The following AK9 variants were observed in gnomAD, a reference collection of about 807,000 sequenced individuals.
AK9 encodes adenylate kinase 9.
Under a neutral mutation model 239.6 loss-of-function variants are expected in AK9, and 191 were observed. That is an observed-to-expected ratio of 0.80 (90% CI 0.71 to 0.90). AK9 has a LOEUF of 0.90. Ranked by LOEUF, AK9 falls within the 40% of genes least tolerant of loss-of-function variation. The pLI is 0.00. For missense variants in AK9, 1,995 were observed against 2,214.7 expected, an observed-to-expected ratio of 0.90 and a Z score of 1.99; for synonymous variants, 689 against 721.0, an observed-to-expected ratio of 0.96 and a Z score of 0.71.
chr6:109,636,737 G>A (rs1294529006), intron 10 of AK9, among the ~76,000 whole-genome samples: 1 of 82,188 alleles, frequency 1.2e-5, no homozygotes, highest in African/African-American at 4.6e-5. Context: ...CTTTAAGGTT[G>A]AATAATATTC....
At chr6:109,640,682 G>A (rs13204500) in intron 10 of AK9, among the ~76,000 whole-genome samples, 45,387 of 151,612 alleles carry the variant, frequency 0.3, 7,200 homozygotes, top group Middle Eastern at 0.4. Flanking sequence ...CTTCCAAAGT[G>A]CTGGGATACT....
Position 109,691,160 on chromosome 6 carries a change from C to A in AK9, c.-25G>T. The A allele has an allele frequency of 1.8e-6, 1 of 567,690 alleles. No homozygotes were observed. The highest frequency in any genetic ancestry group is 3.2e-6 in the Non-Finnish European group (1 of 316,756). The allele number at this position is 567,690 out of a possible 1,614,324, so 35.2% of individuals were successfully genotyped here. ...TCCAATCCTTACCAAAGATGGTGCC[C>A]TTCGCTTCCTCTCTCGGCAGCACGC... is the stretch of plus-strand genomic sequence containing the variant. On this transcript the variant is annotated 5_prime_UTR_variant, in exon 1 of 41. In the 5' UTR this introduces an upstream ATG that the reference lacks. Transcript: ENST00000424296.
At chr6:109,687,306 T>C (rs1218332294) in intron 1 of AK9, among the ~76,000 whole-genome samples, 2 of 152,140 alleles carry the variant, frequency 1.3e-5, no homozygotes, top group Non-Finnish European at 2.9e-5. Flanking sequence ...CCTATGAGGG[T>C]GGTGTAGCAA....
chr6:109,607,781 G>A (rs923117340), intron 17 of AK9, among the ~76,000 whole-genome samples: 2 of 151,372 alleles, frequency 1.3e-5, no homozygotes, highest in Admixed American at 6.6e-5. Flanking sequence ...GTGTGTGTGT[G>A]TGTGTGTGTG....
At chr6:109,598,702 C>T (rs1305898536) in intron 17 of AK9, among the ~76,000 whole-genome samples, 3 of 152,166 alleles carry the variant, frequency 2.0e-5, no homozygotes, top group Admixed American at 6.5e-5. Flanking sequence ...AGTGTAAAAG[C>T]ATTCCTATTT....
intron 35 of AK9, among the ~76,000 whole-genome samples, chr6:109,499,937 C>G (rs372138714): frequency 6.6e-6 from 1 of 151,804 alleles, no homozygotes; most frequent in African/African-American, 2.4e-5. Context: ...GCATAGTATT[C>G]CACTGTATAA....
Position 109,619,200 on chromosome 6 carries a change from C to A in AK9, c.1291G>T (p.Asp431Tyr). 6.5e-7 allele frequency: 1 copy of A among 1,549,874 alleles called. No individual in the cohort carries two copies. Among genetic ancestry groups the A allele is most frequent in the East Asian group, 2.4e-5 (1 of 40,824 alleles). The change falls in exon 13 of 41, where the codon GAT (aspartate) becomes TAT (tyrosine). Residue 431 changes from aspartate to tyrosine, a missense_variant. By Grantham distance (160) the Asp-to-Tyr change is radical. Coordinates refer to ENST00000424296, the MANE Select transcript of AK9 (RefSeq NM_001145128.3). ...TCTACTAATGTTTCACGGGCTTTAT[C>A]AAAACGTGGCTGAACAAGTTGGGCA... ...DYAQLVQPRF[D>Y]KARETLVENT...
chr6:109,606,088 AC>A (rs1792838353), intron 17 of AK9, among the ~76,000 whole-genome samples: 1 of 152,084 alleles, frequency 6.6e-6, no homozygotes, highest in African/African-American at 2.4e-5. Flanking sequence ...TTAAAGTGGC[AC>A]TTCCTTTTGA....
At chr6:109,661,630 A>G (rs962440290) in intron 6 of AK9, among the ~76,000 whole-genome samples, 2 of 152,188 alleles carry the variant, frequency 1.3e-5, no homozygotes, top group African/African-American at 4.8e-5. Flanking sequence ...ACCCCTGGCC[A>G]TGAGTGGTGG....
intron 27 of AK9, among the ~76,000 whole-genome samples, chr6:109,538,924 A>G (rs553887980): frequency 3.3e-5 from 5 of 152,252 alleles, no homozygotes; most frequent in African/African-American, 1.2e-4. Context: ...AGAATGTTGA[A>G]TATTGGCCCC....
chr6:109,670,893 T>C (rs1770772103), intron 5 of AK9, among the ~76,000 whole-genome samples: 1 of 152,194 alleles, frequency 6.6e-6, no homozygotes, highest in South Asian at 2.1e-4. Flanking sequence ...GATAGATAGG[T>C]AGATAGTTTA....
At chr6:109,572,794 G>A (rs1470135144) in intron 21 of AK9, among the ~76,000 whole-genome samples, 2 of 152,190 alleles carry the variant, frequency 1.3e-5, no homozygotes, top group Admixed American at 6.5e-5. Flanking sequence ...AACTCTGCTT[G>A]AAAGCATTTG....
At chr6:109,558,671 TG>T (rs1785317484) in intron 24 of AK9, among the ~76,000 whole-genome samples, 1 of 152,168 alleles carries the variant, frequency 6.6e-6, no homozygotes, top group African/African-American at 2.4e-5. Context: ...TTCTCTTACT[TG>T]GTTATTCTTT....
chr6:109,519,488 T>G (rs1779612960), intron 29 of AK9, among the ~76,000 whole-genome samples: 1 of 152,154 alleles, frequency 6.6e-6, no homozygotes, highest in Non-Finnish European at 1.5e-5. Flanking sequence ...TGTTGTTTTT[T>G]GACTTTTTAA....
chr6:109,549,983 G>A (rs1322133522), intron 25 of AK9, 107 bp downstream of exon 25: 1 of 1,211,412 alleles, frequency 8.3e-7, no homozygotes, highest in Non-Finnish European at 1.2e-6. Context: ...TCTTTATATT[G>A]TAATATCAGA....
At chr6:109,607,728 T>A (rs1793063522) in intron 17 of AK9, among the ~76,000 whole-genome samples, 1 of 151,206 alleles carries the variant, frequency 6.6e-6, no homozygotes, top group African/African-American at 2.4e-5. Flanking sequence ...CAAATTTATC[T>A]AATAGATACA....
At position 109,641,616 on chromosome 6, in the gene AK9, T is replaced by C; in HGVS notation, c.835A>G (p.Ile279Val). Reference sequence around the variant, plus strand: ...AGATATTTAAGTCGATCCATAACAATCTAGATTTAAAGAACAGATATTTAA... The same window carrying C: ...AGATATTTAAGTCGATCCATAACAACCTAGATTTAAAGAACAGATATTTAA... The part of the protein sequence containing the change: ...GNKPAEELFM[I>V]VMDRLKYLNL... Residue 279 changes from isoleucine (I) to valine (V), a missense_variant and splice_region_variant, in exon 10 of 41, where the codon ATT becomes GTT. Coordinates refer to ENST00000424296, the MANE Select transcript of AK9 (RefSeq NM_001145128.3). 1 of 1,607,212 alleles carries C rather than the reference T, an allele frequency of 6.2e-7. No individual in the cohort carries two copies. Among genetic ancestry groups the C allele is most frequent in the African/African-American group, 1.3e-5 (1 of 74,926 alleles).
At position 109,687,558 on chromosome 6, in the gene AK9, T is replaced by C. The variant is rs117858574; in HGVS notation, c.-12+3589A>G. Among the ~76,000 whole-genome samples, 1,259 of 152,320 alleles carry C rather than the reference T, an allele frequency of 8.3e-3. 16 individuals are homozygous for C. The highest frequency in any genetic ancestry group is 0.041 in the Middle Eastern group (12 of 294). The stretch of plus-strand genomic sequence containing the variant: ...GTGATGAGGAAGAGTGGGTGGCATG[T>C]GAGTGCAGCCCCTGCCAACAGCTGG... On this transcript the variant is annotated intron_variant, in intron 1 of 40. Transcript: ENST00000424296.
chr6:109,659,575 T>C (rs2128315606), intron 6 of AK9, among the ~76,000 whole-genome samples, 162 bp from the exon 7 acceptor site: 1 of 152,316 alleles, frequency 6.6e-6, no homozygotes, highest in Admixed American at 6.5e-5. Context: ...TTTCATTACA[T>C]GCCAAGAGAG....
Sources: gnomAD v4.1 joint callset for allele counts (sites outside exome capture counted in the v4.1 genomes callset) on GRCh38, gnomAD v4.1.1 for gene constraint, MANE v1.5 for transcripts, NCBI Gene and HGNC (gene_info 2026-07-23, HGNC 2026-07-21) for gene names.